TSBP1: variants seen among roughly 807,000 people sequenced by gnomAD.
TSBP1 encodes testis expressed basic protein 1.
Under a neutral mutation model 68.8 loss-of-function variants are expected in TSBP1, and 56 were observed. That is an observed-to-expected ratio of 0.81 (90% CI 0.66 to 1.02). TSBP1 has a LOEUF of 1.02. Ranked by LOEUF, TSBP1 falls within the 50% of genes least tolerant of loss-of-function variation. TSBP1 has a pLI of 0.00. For missense variants in TSBP1, 502 were observed against 641.2 expected (o/e 0.78, Z 2.34); for synonymous variants, 171 against 208.7 (o/e 0.82, Z 1.56).
chr6:32,293,635 TG>T lies in TSBP1; in HGVS notation c.1037del (p.Pro346GlnfsTer8). On this transcript the variant is annotated frameshift_variant, in exon 23 of 23. Transcript: ENST00000612031. LOFTEE classifies it low-confidence loss of function (END_TRUNC). The stretch of plus-strand genomic sequence containing the variant: ...TCGTTACTTGGGCTTCTTGTCCTTT[TG>T]GGACACCTGACTCACTCTTCTTTAC... 1 of 1,613,042 alleles carries T rather than the reference TG, an allele frequency of 6.2e-7. No homozygotes were observed. Among genetic ancestry groups the T allele is most frequent in the Non-Finnish European group, 8.5e-7 (1 of 1,179,988 alleles).
At position 32,301,655 on chromosome 6, in the gene TSBP1, A is replaced by C. The variant is rs569428717; in HGVS notation, c.601+954T>G. On this transcript the variant is annotated intron_variant, in intron 20 of 22. Transcript: ENST00000612031. ...GGATTGCTTAGGAAGTCAAGGCTGC[A>C]GTGGGCCATGATCACACCAGTGCAC... 7.2e-5 allele frequency among the ~76,000 whole-genome samples: 11 copies of C among 151,796 alleles called. 1 individual carries two copies. In the South Asian group the frequency reaches 2.3e-3, roughly 32 times the overall value.
At chr6:32,370,101 A>T in intron 1 of TSBP1, 118 bp from the exon 2 acceptor site, 1 of 692,222 alleles carries the variant, frequency 1.4e-6, no homozygotes. Context: ...CCTTTCTGCT[A>T]CTTCAACTCC....
At chr6:32,363,603 C>T (rs1773315558) in intron 6 of TSBP1, among the ~76,000 whole-genome samples, 1 of 151,278 alleles carries the variant, frequency 6.6e-6, no homozygotes, top group South Asian at 2.1e-4. Flanking sequence ...CTAATAATAA[C>T]TTAGATTATT....
rs1770268236 is a variant in TSBP1 at position 32,340,949 on chromosome 6, C to T, written c.350-1311G>A. Among the ~76,000 whole-genome samples, 1 of 152,128 alleles carries T rather than the reference C, an allele frequency of 6.6e-6. No homozygotes were observed. The highest frequency in any genetic ancestry group is 2.4e-5 in the African/African-American group (1 of 41,420). On this transcript the variant is annotated intron_variant, in intron 9 of 22. Coordinates refer to ENST00000612031, the Ensembl canonical transcript of TSBP1. The surrounding 1 kb of genome is among the most constrained non-coding windows in gnomAD (Gnocchi z 4.8). ...TAGCTGGGATTACAGGCATGTGCCA[C>T]CACGCCCAGCTAATTTTTGTATTTT...
In TSBP1 at chr6:32,343,317, C is replaced by T; in HGVS notation, c.350-3679G>A. 1 of 1,117,322 alleles carries T rather than the reference C, an allele frequency of 8.9e-7. No individual in the cohort carries two copies. Among genetic ancestry groups the T allele is most frequent in the Non-Finnish European group, 1.2e-6 (1 of 832,308 alleles). The allele number at this position is 1,117,322 out of a possible 1,614,324, so 69.2% of individuals were successfully genotyped here. A position where few individuals can be genotyped will look rare whatever the true frequency, so the allele number is the denominator to read the frequency against. ...AAAGTTTCAATAATCCATCAATTTCCCAAAAGTCTTCCCAGAAATAGTGTC... is the reference window on the plus strand; with the variant it reads ...AAAGTTTCAATAATCCATCAATTTCTCAAAAGTCTTCCCAGAAATAGTGTC... On this transcript the variant is annotated intron_variant, in intron 9 of 22. Transcript: ENST00000612031. This position sits in a 1 kb window ranked among gnomAD's most constrained non-coding sequence, Gnocchi z 4.3.
chr6:32,368,768 G>A lies in TSBP1; in HGVS notation c.133+14C>T, dbSNP rs113857285. On this transcript the variant is annotated intron_variant, in intron 3 of 22. Transcript: ENST00000612031. ...AGTACTATATTTATTTTTCTCATGA[G>A]TATAAGTACTTACTTTGTTCTGAAC... 12,910 of 1,568,150 alleles carry A rather than the reference G, an allele frequency of 8.2e-3. 760 individuals carry two copies. In the South Asian group the frequency reaches 0.1, roughly 12 times the overall value.
chr6:32,366,004 T>C, intron 6 of TSBP1, 163 bp downstream of exon 6: 1 of 1,095,616 alleles, frequency 9.1e-7, no homozygotes, highest in Non-Finnish European at 1.4e-6. Flanking sequence ...TGGTGCCTCA[T>C]AGCGTGATGG....
At chr6:32,324,194 T>C (rs1767957145) in intron 16 of TSBP1, among the ~76,000 whole-genome samples, 3 of 152,190 alleles carry the variant, frequency 2.0e-5, no homozygotes, top group African/African-American at 7.2e-5. Flanking sequence ...AAGTTTAGGC[T>C]TAAATCCTCT....
exon 23 of TSBP1, chr6:32,293,189 T>C (rs757387436): frequency 2.5e-6 from 4 of 1,611,108 alleles, no homozygotes; most frequent in Non-Finnish European, 3.4e-6. Context: ...ATTTCCTTTA[T>C]CCTCAAAACT....
At chr6:32,308,380 C>T (rs1765988275) in intron 19 of TSBP1, among the ~76,000 whole-genome samples, 1 of 151,212 alleles carries the variant, frequency 6.6e-6, no homozygotes, top group Non-Finnish European at 1.5e-5. Context: ...GGGCGGATCA[C>T]GAGGTCAGGA....
chr6:32,293,759 T>C lies in TSBP1; in HGVS notation c.914A>G (p.Glu305Gly), dbSNP rs928491415. 3.7e-6 allele frequency: 6 copies of C among 1,612,704 alleles called. No individual in the cohort carries two copies. In the African/African-American group the frequency reaches 6.7e-5, roughly 18 times the overall value. ...CATCTCACTGATTTTTAGTTGGGTT[T>C]CCTGTCTTTTTGGTATTCCAGCGTC... Residue 305 changes from glutamate to glycine, a missense_variant, in exon 23 of 23, where the codon GAA (glutamate) becomes GGA (glycine). Transcript: ENST00000612031.
At chr6:32,358,677 T>C (rs1044326666) in intron 6 of TSBP1, among the ~76,000 whole-genome samples, 1 of 151,458 alleles carries the variant, frequency 6.6e-6, no homozygotes, top group Non-Finnish European at 1.5e-5. Context: ...TGATTTTTTG[T>C]CCTTGCGATA....
chr6:32,300,927 A>G (rs557493172), intron 20 of TSBP1, among the ~76,000 whole-genome samples: 32 of 152,346 alleles, frequency 2.1e-4, no homozygotes, highest in African/African-American at 7.7e-4. Flanking sequence ...ATCATTATCA[A>G]TTTTGTCTAG....
chr6:32,342,074 A>G (rs1282769637), intron 9 of TSBP1, among the ~76,000 whole-genome samples: 1 of 149,636 alleles, frequency 6.7e-6, no homozygotes, highest in African/African-American at 2.5e-5. Flanking sequence ...TTGACAATCA[A>G]TTGAAATCAG....
At chr6:32,293,637 G>A (rs867579325) in exon 23 of TSBP1, 1 of 1,612,782 alleles carries the variant, frequency 6.2e-7, no homozygotes, top group Non-Finnish European at 8.5e-7. Context: ...TGTCCTTTTG[G>A]GACACCTGAC....
At chr6:32,339,034 A>T in intron 10 of TSBP1, 35 bp from the exon 12 acceptor site, 2 of 1,587,532 alleles carry the variant, frequency 1.3e-6, no homozygotes, top group South Asian at 2.2e-5. Context: ...GTTTGAAGAG[A>T]GCATGACTCA....
intron 22 of TSBP1, among the ~76,000 whole-genome samples, chr6:32,299,209 T>C (rs1487404907): frequency 2.0e-5 from 3 of 152,220 alleles, no homozygotes; most frequent in South Asian, 2.1e-4. Context: ...TGAGTTAGTT[T>C]CCTAATCTGT....
At chr6:32,322,776 G>C (rs545746766) in intron 18 of TSBP1, among the ~76,000 whole-genome samples, 2 of 152,258 alleles carry the variant, frequency 1.3e-5, no homozygotes, top group East Asian at 3.9e-4. Context: ...ACAGCTTTGG[G>C]CATAGTGTTG....
At chr6:32,324,709 A>C (rs1017028178) in intron 16 of TSBP1, 1 of 1,550,198 alleles carries the variant, frequency 6.5e-7, no homozygotes, top group African/African-American at 1.4e-5. Context: ...ACTTTTTGTT[A>C]CCCCTTTCTT....
Sources: allele counts gnomAD v4.1 joint callset (sites outside exome capture counted in the v4.1 genomes callset), GRCh38; gene constraint gnomAD v4.1.1; non-coding constraint Gnocchi (gnomAD v3.1); transcripts MANE v1.5; gene names NCBI Gene and HGNC (gene_info 2026-07-23, HGNC 2026-07-21).